The following AKAP8 variants were observed in gnomAD, a reference collection of about 807,000 sequenced individuals.
AKAP8 encodes A-kinase anchor protein 8.
AKAP8 carries 24 observed loss-of-function variants against 67.5 expected under a neutral mutation model. The observed-to-expected ratio is 0.36, with a 90% CI of 0.26 to 0.50. AKAP8 has a LOEUF of 0.50. Ranked by LOEUF, AKAP8 falls within the 20% of genes least tolerant of loss-of-function variation. The probability of loss-of-function intolerance (pLI) is 0.97; values close to 1 mark genes in which losing one functional copy is unlikely to be tolerated. For missense variants in AKAP8, 971 were observed against 955.9 expected, an observed-to-expected ratio of 1.02 and a Z score of -0.21; for synonymous variants, 400 against 371.1, an observed-to-expected ratio of 1.08 and a Z score of -0.90.
rs1445992530 is a variant in AKAP8 at position 15,353,557 on chromosome 19, T to C, written c.*1358A>G. On this transcript the variant is annotated 3_prime_UTR_variant, in exon 14 of 14. Transcript: ENST00000269701. ...AGCAGTTTATTTCCATTTTCAGTTC[T>C]AATGTTGACTTTTTCATAAATATTC... The C allele has an allele frequency of 6.6e-6, 1 of 152,140 alleles. No individual in the cohort carries two copies. Among genetic ancestry groups the C allele is most frequent in the Non-Finnish European group, 1.5e-5 (1 of 68,048 alleles). The allele number at this position is 152,140 out of a possible 1,614,324, so 9.4% of individuals were successfully genotyped here. A position where few individuals can be genotyped will look rare whatever the true frequency, so the allele number is the denominator to read the frequency against.
intron 8 of AKAP8, 43 bp from the exon 9 acceptor site, chr19:15,368,365 A>T: frequency 6.2e-7 from 1 of 1,611,912 alleles, no homozygotes; most frequent in Non-Finnish European, 8.5e-7. Flanking sequence ...AGTGGCCTGC[A>T]AAGGAGCTGA....
At chr19:15,373,524 G>A (rs1164899392) in intron 4 of AKAP8, among the ~76,000 whole-genome samples, 184 bp from the exon 5 acceptor site, 3 of 152,076 alleles carry the variant, frequency 2.0e-5, no homozygotes, top group African/African-American at 7.2e-5. Flanking sequence ...GCAGGGGACA[G>A]AGCCCCTGGC....
At chr19:15,377,284 AC>A (rs1393806974) in intron 1 of AKAP8, among the ~76,000 whole-genome samples, 1 of 152,108 alleles carries the variant, frequency 6.6e-6, no homozygotes, top group Non-Finnish European at 1.5e-5. Flanking sequence ...CAAGGACCTC[AC>A]CTCTCCAAGA....
chr19:15,361,334 G>A (rs1037946989), intron 11 of AKAP8: 1 of 230,770 alleles, frequency 4.3e-6, no homozygotes, highest in Non-Finnish European at 8.4e-6. Context: ...GCCAACTTGG[G>A]CTGGCTTCAT....
In AKAP8 at chr19:15,355,090, T is replaced by G. The variant is rs770469145; in HGVS notation, c.1904A>C (p.His635Pro). 1 of 1,614,024 alleles carries G rather than the reference T, an allele frequency of 6.2e-7. No homozygotes were observed. The highest frequency in any genetic ancestry group is 1.1e-5 in the South Asian group (1 of 91,090). Reference sequence around the variant, plus strand: ...TCTGGCCTTGGGGACGCCCTTCTCATGTGCCGTTCCACAGGGCACCTGCTC... The same window carrying G: ...TCTGGCCTTGGGGACGCCCTTCTCAGGTGCCGTTCCACAGGGCACCTGCTC... ...LEEQVPCGTA[H>P]EKGVPKARSE... Residue 635 changes from histidine to proline, a missense_variant, in exon 14 of 14, where the codon CAT becomes CCT. His to Pro is a moderately conservative substitution (Grantham distance 77). This residue lies in a region of AKAP8 where 204 missense variants were observed against 193.0 expected (regional missense o/e 1.06). Transcript: ENST00000269701.
At chr19:15,365,582 C>T (rs1473902396) in intron 9 of AKAP8, among the ~76,000 whole-genome samples, 1 of 152,206 alleles carries the variant, frequency 6.6e-6, no homozygotes, top group Non-Finnish European at 1.5e-5. Flanking sequence ...GAAGACACCT[C>T]CGCTTCTGCA....
rs763944546 is a variant in AKAP8, at chr19:15,373,917, G to A, written c.240C>T (p.Tyr80=). ...AGAPAMHMAS[Y]GPEPCTDNSD... is the part of the protein sequence containing the mutation. ...AATTGTCGGTGCATGGCTCTGGGCC[G>A]TAAGAGGCCATGTGCATGGCAGGGG... Residue 80 remains tyrosine (Y), a synonymous_variant, in exon 4 of 14, where the codon TAC becomes TAT. Coordinates refer to ENST00000269701, the MANE Select transcript of AKAP8 (RefSeq NM_005858.4). The A allele has an allele frequency of 2.9e-5, 46 of 1,613,718 alleles. 1 individual carries two copies. Among genetic ancestry groups the A allele is most frequent in the South Asian group, 1.8e-4 (16 of 91,072 alleles).
chr19:15,373,019 A>G lies in AKAP8; in HGVS notation c.693T>C (p.Gly231=), dbSNP rs1967188019. Residue 231 remains glycine, a synonymous_variant, in exon 5 of 14, where the codon GGT becomes GGC. Coordinates refer to ENST00000269701, the MANE Select transcript of AKAP8 (RefSeq NM_005858.4). ...STPWNELNYV[G]GRGLGGPSPS... The stretch of plus-strand genomic sequence containing the variant: ...GGGAGGGCCCTCCCAGGCCCCGTCC[A>G]CCCACGTAGTTCAGCTCGTTCCAGG... The G allele has an allele frequency of 1.3e-6, 2 of 1,580,294 alleles. No individual in the cohort carries two copies. Among genetic ancestry groups the G allele is most frequent in the Non-Finnish European group, 1.7e-6 (2 of 1,160,220 alleles).
intron 9 of AKAP8, among the ~76,000 whole-genome samples, chr19:15,366,011 A>C (rs1371958570): frequency 6.6e-6 from 1 of 150,534 alleles, no homozygotes; most frequent in Non-Finnish European, 1.5e-5. Context: ...GTGACACAGC[A>C]AGACTCCATC....
intron 9 of AKAP8, among the ~76,000 whole-genome samples, chr19:15,363,115 C>G (rs1237167378): frequency 6.7e-6 from 1 of 149,744 alleles, no homozygotes; most frequent in African/African-American, 2.5e-5. Flanking sequence ...GGAGCCCCTC[C>G]GCCCGGCAGC....
rs1474574714 is a variant in AKAP8, at chr19:15,372,922, C to G, written c.790G>C (p.Ala264Pro). 1 of 1,524,288 alleles carries G rather than the reference C, an allele frequency of 6.6e-7. No homozygotes were observed. Among genetic ancestry groups the G allele is most frequent in the East Asian group, 2.3e-5 (1 of 44,074 alleles). The allele number at this position is 1,524,288 out of a possible 1,614,324, so 94.4% of individuals were successfully genotyped here. Reference sequence around the variant, plus strand: ...GGCATGGTGCTGTCATAGCCGCCCGCCCCCTGCATGCCCATCACGCCGTAG... The same window carrying G: ...GGCATGGTGCTGTCATAGCCGCCCGGCCCCTGCATGCCCATCACGCCGTAG... ...PDYGVMGMQG[A>P]GGYDSTMPYG... The change falls in exon 5 of 14, where the codon GCG becomes CCG. Residue 264 changes from alanine to proline, a missense_variant. Physicochemically the swap from Ala to Pro is conservative, Grantham distance 27 (BLOSUM62 -1). Around this residue, in one of 3 missense-constraint regions of AKAP8, gnomAD observed 763 missense variants for 745.4 expected, o/e 1.02. Transcript: ENST00000269701.
intron 9 of AKAP8, 75 bp from the exon 10 acceptor site, chr19:15,362,326 TGAG>T (rs1185023479): frequency 1.1e-5 from 16 of 1,508,984 alleles, no homozygotes; most frequent in Non-Finnish European, 5.4e-6. Context: ...AGCTCACCTC[TGAG>T]GAGAGCTGAA....
rs1394013997 is a variant in AKAP8, at chr19:15,355,267, T to A, written c.1727A>T (p.Asp576Val). ...KKETPEEVAA[D>V]VLAEVITAAV... ...TGCTGTAATCACCTCTGCTAAGACG[T>A]CCGCGGCCACCTCCTCAGGTGTCTC... is the stretch of plus-strand genomic sequence containing the variant. Residue 576 changes from aspartate to valine, a missense_variant, in exon 14 of 14, where the codon GAC becomes GTC. Asp to Val is a radical substitution (Grantham distance 152). Around this residue, in one of 3 missense-constraint regions of AKAP8, gnomAD observed 204 missense variants for 193.0 expected, o/e 1.06. Transcript: ENST00000269701. 2 of 1,612,966 alleles carry A rather than the reference T, an allele frequency of 1.2e-6. No homozygotes were observed. Among genetic ancestry groups the A allele is most frequent in the South Asian group, 2.2e-5 (2 of 91,088 alleles).
Position 15,355,296 on chromosome 19 carries a change from C to G in AKAP8, c.1698G>C (p.Lys566Asn). Residue 566 changes from lysine to asparagine, a missense_variant, in exon 14 of 14, where the codon AAG becomes AAC. Transcript: ENST00000269701. ...CGGCCACCTCCTCAGGTGTCTCTTTCTTATCCTCACCTCCTAAATTGTCAT... is the reference window on the plus strand; with the variant it reads ...CGGCCACCTCCTCAGGTGTCTCTTTGTTATCCTCACCTCCTAAATTGTCAT... ...EGDDNLGGED[K>N]KETPEEVAAD... The G allele has an allele frequency of 6.2e-7, 1 of 1,613,774 alleles. No homozygotes were observed. The highest frequency in any genetic ancestry group is 8.5e-7 in the Non-Finnish European group (1 of 1,180,036).
intron 1 of AKAP8, 73 bp downstream of exon 1, chr19:15,379,640 C>G: frequency 6.5e-7 from 1 of 1,529,858 alleles, no homozygotes; most frequent in East Asian, 2.6e-5. Flanking sequence ...CGGCCGGCGG[C>G]AGTCTGCGCA....
chr19:15,360,747 C>G, intron 12 of AKAP8, 101 bp downstream of exon 12: 1 of 1,396,874 alleles, frequency 7.2e-7, no homozygotes, highest in Non-Finnish European at 9.5e-7. Flanking sequence ...TGAAACATAG[C>G]AAGAACCCCT....
At position 15,360,990 on chromosome 19, in the gene AKAP8, CG is replaced by C; in HGVS notation, c.1397-13del. On this transcript the variant is annotated splice_polypyrimidine_tract_variant and intron_variant, in intron 11 of 13. Coordinates refer to ENST00000269701, the MANE Select transcript of AKAP8 (RefSeq NM_005858.4). The stretch of plus-strand genomic sequence containing the variant: ...CTCCTGGCCAATCCCTGCCAGGAAA[CG>C]CATGTCTTGTAGGATCTGGGACAGC... 1.9e-6 allele frequency: 3 copies of C among 1,611,494 alleles called. No individual in the cohort carries two copies. Among genetic ancestry groups the C allele is most frequent in the Non-Finnish European group, 2.5e-6 (3 of 1,179,194 alleles).
rs1430806728 is a variant in AKAP8 at position 15,369,607 on chromosome 19, G to C, written c.1072+539C>G. ...TGAAGAGACCTGCTGAAGGGCGCCCGCCTCTCAAAGACCCAGTGGGCCTGG... is the reference window on the plus strand; with the variant it reads ...TGAAGAGACCTGCTGAAGGGCGCCCCCCTCTCAAAGACCCAGTGGGCCTGG... On this transcript the variant is annotated intron_variant, in intron 8 of 13. Coordinates refer to ENST00000269701, the MANE Select transcript of AKAP8 (RefSeq NM_005858.4). This position sits in a 1 kb window ranked among gnomAD's most constrained non-coding sequence, Gnocchi z 4.6. 6.6e-6 allele frequency among the ~76,000 whole-genome samples: 1 copy of C among 152,172 alleles called. No homozygotes were observed. The highest frequency in any genetic ancestry group is 2.4e-5 in the African/African-American group (1 of 41,450).
chr19:15,360,506 C>A (rs1017447362), intron 12 of AKAP8, among the ~76,000 whole-genome samples: 1 of 152,214 alleles, frequency 6.6e-6, no homozygotes, highest in African/African-American at 2.4e-5. Context: ...TAGGTAAGGA[C>A]AGAACCAGTC....
Sources: allele counts gnomAD v4.1 joint callset (sites outside exome capture counted in the v4.1 genomes callset), GRCh38; gene constraint gnomAD v4.1.1; regional missense constraint gnomAD v4.1.1; non-coding constraint Gnocchi (gnomAD v3.1); transcripts MANE v1.5; gene names NCBI Gene and HGNC (gene_info 2026-07-23, HGNC 2026-07-21).